The following SNRPA variants were observed in gnomAD, a reference collection of about 807,000 sequenced individuals.
The protein encoded by SNRPA is small nuclear ribonucleoprotein polypeptide A.
In SNRPA, 10 loss-of-function variants were observed where a neutral mutation model predicts 24.5. That is an observed-to-expected ratio of 0.41 (90% confidence interval 0.25 to 0.69). The LOEUF is 0.69. Ranked by LOEUF, SNRPA falls within the 30% of genes least tolerant of loss-of-function variation. The probability of loss-of-function intolerance (pLI) is 0.33; values close to 1 mark genes in which losing one functional copy is unlikely to be tolerated. For missense variants in SNRPA, 283 were observed against 394.7 expected, an observed-to-expected ratio of 0.72 and a Z score of 2.40; for synonymous variants, 165 against 148.4, an observed-to-expected ratio of 1.11 and a Z score of -0.81.
intron 1 of SNRPA, chr19:40,756,987 C>G (rs2145009969): frequency 3.6e-6 from 1 of 278,246 alleles, no homozygotes; most frequent in East Asian, 1.2e-4. Flanking sequence ...TGGGGGAAAT[C>G]TGCCAGGGCC....
At chr19:40,762,683 T>C (rs2082937772) in intron 3 of SNRPA, among the ~76,000 whole-genome samples, 1 of 152,154 alleles carries the variant, frequency 6.6e-6, no homozygotes, top group Non-Finnish European at 1.5e-5. Context: ...CAAGTGATCC[T>C]CCTACCTCAG....
intron 3 of SNRPA, among the ~76,000 whole-genome samples, chr19:40,761,852 C>T (rs1197343189): frequency 6.6e-6 from 1 of 152,040 alleles, no homozygotes; most frequent in Non-Finnish European, 1.5e-5. Flanking sequence ...ATCCTGTTTT[C>T]CAAACAGGAT....
At chr19:40,764,908 G>A (rs975029598) in intron 5 of SNRPA, 100 bp from the exon 6 acceptor site, 13 of 1,174,756 alleles carry the variant, frequency 1.1e-5, no homozygotes, top group Non-Finnish European at 1.5e-5. Context: ...CCTGCCCTGT[G>A]CATTGGAGGC....
At chr19:40,757,975 A>T (rs1295486737) in intron 2 of SNRPA, among the ~76,000 whole-genome samples, 10 of 150,996 alleles carry the variant, frequency 6.6e-5, no homozygotes, top group African/African-American at 2.2e-4. Context: ...ATAAATAAAT[A>T]AATTATTTTG....
chr19:40,757,869 G>A (rs1736688815), intron 2 of SNRPA, among the ~76,000 whole-genome samples: 1 of 151,456 alleles, frequency 6.6e-6, no homozygotes, highest in African/African-American at 2.4e-5. Context: ...TTGAACCCGG[G>A]AGGCAGAGAT....
chr19:40,752,156 G>T (rs1254389177), intron 1 of SNRPA, among the ~76,000 whole-genome samples: 5 of 151,532 alleles, frequency 3.3e-5, no homozygotes, highest in Non-Finnish European at 7.4e-5. Flanking sequence ...TGACCGACAT[G>T]GAGAAACCCT....
intron 1 of SNRPA, among the ~76,000 whole-genome samples, chr19:40,756,596 CAAAA>C (rs916818115): frequency 6.5e-5 from 5 of 76,638 alleles, no homozygotes; most frequent in Admixed American, 1.5e-4. Flanking sequence ...ACCTTGTCAC[CAAAA>C]AAAAAAAAAA....
rs1188591574 is a variant in SNRPA, at chr19:40,757,379, C to G, written c.121C>G (p.Leu41Val). 1 of 1,614,126 alleles carries G rather than the reference C, an allele frequency of 6.2e-7. No homozygotes were observed. Among genetic ancestry groups the G allele is most frequent in the African/African-American group, 1.3e-5 (1 of 75,026 alleles). Residue 41 changes from leucine (L) to valine (V), a missense_variant, in exon 2 of 6, where the codon CTG becomes GTG. This residue lies in a region of SNRPA where 18 missense variants were observed against 18.9 expected (regional missense o/e 0.95). Transcript: ENST00000243563. Reference sequence around the variant, plus strand: ...CATCTTCTCCCAGTTTGGCCAGATCCTGGATATCCTGGTATCACGGAGCCT... The same window carrying G: ...CATCTTCTCCCAGTTTGGCCAGATCGTGGATATCCTGGTATCACGGAGCCT... Reference protein sequence around the residue: ...YAIFSQFGQILDILVSRSLKM... With the variant: ...YAIFSQFGQIVDILVSRSLKM...
At chr19:40,757,132 T>C (rs2082911813) in intron 1 of SNRPA, 200 bp from the exon 2 acceptor site, 1 of 589,616 alleles carries the variant, frequency 1.7e-6, no homozygotes, top group Non-Finnish European at 3.0e-6. Flanking sequence ...AGCAGCTCTC[T>C]GTAAGCACAT....
intron 5 of SNRPA, among the ~76,000 whole-genome samples, chr19:40,764,327 C>T (rs1300720215): frequency 6.6e-6 from 1 of 152,008 alleles, no homozygotes; most frequent in African/African-American, 2.4e-5. Flanking sequence ...ACAGAAAGCG[C>T]AACTTTATAA....
intron 1 of SNRPA, 134 bp downstream of exon 1, chr19:40,751,615 C>T: frequency 1.4e-6 from 1 of 719,686 alleles, no homozygotes; most frequent in South Asian, 1.5e-5. Context: ...TTTACACAAA[C>T]TACTTCCTGT....
intron 2 of SNRPA, among the ~76,000 whole-genome samples, chr19:40,757,740 T>G (rs2082914526): frequency 6.6e-6 from 1 of 151,732 alleles, no homozygotes. Context: ...CTCAGGAGTT[T>G]GCAGCCAGCC....
intron 2 of SNRPA, 107 bp downstream of exon 2, chr19:40,757,611 G>C: frequency 1.9e-6 from 2 of 1,057,710 alleles, no homozygotes; most frequent in Non-Finnish European, 2.7e-6. Flanking sequence ...CCAAGGTGAG[G>C]CTGGACCAGG....
chr19:40,751,822 C>T (rs2082869615), intron 1 of SNRPA, among the ~76,000 whole-genome samples: 1 of 152,146 alleles, frequency 6.6e-6, no homozygotes, highest in Admixed American at 6.6e-5. Flanking sequence ...GTGGGGCTCT[C>T]TCTCCTCCCA....
In SNRPA at chr19:40,759,469, C is replaced by T. The variant is rs557608943; in HGVS notation, c.285C>T (p.Ala95=). The part of the protein sequence containing the change: ...QYAKTDSDII[A]KMKGTFVERD... ...CCAAGACCGACTCAGATATCATTGC[C>T]AAGATGAAAGGCACCTTCGTGGAGC... The change falls in exon 3 of 6, where the codon GCC becomes GCT. Residue 95 remains alanine, a synonymous_variant. Coordinates refer to ENST00000243563, the MANE Select transcript of SNRPA (RefSeq NM_004596.5). 58 of 1,613,728 alleles carry T rather than the reference C, an allele frequency of 3.6e-5. No homozygotes were observed. The Middle Eastern group carries it at 9.9e-4, about 28-fold the overall frequency.
In SNRPA at chr19:40,763,022, G is replaced by A. The variant is rs766365358; in HGVS notation, c.548G>A (p.Gly183Glu). Reference sequence around the variant, plus strand: ...CTTGCACCTGGCCAGATCCCACCAGGGGCCATGCCCCCGCAGCAGCTTATG... The same window carrying A: ...CTTGCACCTGGCCAGATCCCACCAGAGGCCATGCCCCCGCAGCAGCTTATG... ...PGLAPGQIPPGAMPPQQLMPG... is the reference protein window; with the variant it reads ...PGLAPGQIPPEAMPPQQLMPG... The change falls in exon 4 of 6, where the codon GGG (glycine) becomes GAG (glutamate). Residue 183 changes from glycine to glutamate, a missense_variant. Physicochemically the swap from Gly to Glu is moderately conservative, Grantham distance 98. Around this residue, in one of 6 missense-constraint regions of SNRPA, gnomAD observed 167 missense variants for 174.3 expected, o/e 0.96. Coordinates refer to ENST00000243563, the MANE Select transcript of SNRPA (RefSeq NM_004596.5). The A allele has an allele frequency of 4.4e-6, 7 of 1,608,478 alleles. No homozygotes were observed. Among genetic ancestry groups the A allele is most frequent in the Non-Finnish European group, 5.1e-6 (6 of 1,177,328 alleles).
At chr19:40,760,674 C>T (rs184631393) in intron 3 of SNRPA, among the ~76,000 whole-genome samples, 16 of 152,332 alleles carry the variant, frequency 1.1e-4, no homozygotes, top group Admixed American at 4.6e-4. Context: ...CCCAATGGCT[C>T]ATGCCTGTAA....
chr19:40,757,285 T>A, intron 1 of SNRPA, 47 bp from the exon 2 acceptor site: 1 of 1,598,134 alleles, frequency 6.3e-7, no homozygotes, highest in Admixed American at 1.7e-5. Flanking sequence ...TGGGCTGCGC[T>A]TCTTCTAAAA....
At chr19:40,759,759 T>C (rs2082923944) in intron 3 of SNRPA, 149 bp downstream of exon 3, 2 of 668,422 alleles carry the variant, frequency 3.0e-6, no homozygotes, top group Non-Finnish European at 4.8e-6. Context: ...TCTCTCTCTC[T>C]TTTGGGGGGT....
Sources: allele counts gnomAD v4.1 joint callset (sites outside exome capture counted in the v4.1 genomes callset), GRCh38; gene constraint gnomAD v4.1.1; regional missense constraint gnomAD v4.1.1; transcripts MANE v1.5; gene names NCBI Gene and HGNC (gene_info 2026-07-23, HGNC 2026-07-21).